Variants in FXR1 observed in about 807,000 individuals in gnomAD.
The protein encoded by FXR1 is FMR1 autosomal homolog 1, also known as RNA-binding protein FXR1.
In FXR1, 15 loss-of-function variants were observed where a neutral mutation model predicts 84.0. The observed-to-expected ratio is 0.18, with a 90% CI of 0.12 to 0.27. The LOEUF (loss-of-function observed/expected upper bound fraction) is 0.27, where lower values mean the gene tolerates loss of function less well. FXR1 is among the 10% of genes least tolerant of loss of function. FXR1 has a pLI of 1.00. For missense variants in FXR1, 480 were observed against 774.4 expected (o/e 0.62, Z 4.51); for synonymous variants, 245 against 250.7 (o/e 0.98, Z 0.21).
intron 8 of FXR1, among the ~76,000 whole-genome samples, chr3:180,951,939 C>CA (rs1203196533): frequency 3.9e-5 from 6 of 152,256 alleles, no homozygotes; most frequent in Admixed American, 1.3e-4. Flanking sequence ...CAGTGGCACA[C>CA]ACCTGCAGTC....
intron 2 of FXR1, among the ~76,000 whole-genome samples, chr3:180,933,757 AG>A (rs1316756665): frequency 1.3e-5 from 2 of 152,142 alleles, no homozygotes; most frequent in Admixed American, 6.5e-5. Context: ...TAATTGCCTG[AG>A]GGGTATGCAG....
At chr3:180,949,558 G>T (rs1722011426) in intron 7 of FXR1, among the ~76,000 whole-genome samples, 1 of 152,126 alleles carries the variant, frequency 6.6e-6, no homozygotes, top group Non-Finnish European at 1.5e-5. Context: ...GCTAATTTTT[G>T]TATTTTAGTA....
At chr3:180,932,824 A>T (rs1488555693) in intron 1 of FXR1, among the ~76,000 whole-genome samples, 2 of 152,354 alleles carry the variant, frequency 1.3e-5, no homozygotes, top group African/African-American at 4.8e-5. Context: ...TTATAACAAA[A>T]TTGGGTTCTT....
chr3:180,928,915 A>G (rs1719554453), intron 1 of FXR1, among the ~76,000 whole-genome samples: 1 of 150,076 alleles, frequency 6.7e-6, no homozygotes, highest in Non-Finnish European at 1.5e-5. Flanking sequence ...CACTTAATTT[A>G]TGGCATTTTT....
intron 3 of FXR1, among the ~76,000 whole-genome samples, chr3:180,939,414 G>C (rs570475725): frequency 6.6e-6 from 1 of 152,182 alleles, no homozygotes; most frequent in African/African-American, 2.4e-5. Flanking sequence ...ATCATACTTA[G>C]AGATGGTCAG....
At position 180,962,876 on chromosome 3, in the gene FXR1, AT is replaced by A. The variant is rs1712306351; in HGVS notation, c.1078-5del. 1 of 1,586,472 alleles carries A rather than the reference AT, an allele frequency of 6.3e-7. No homozygotes were observed. Among genetic ancestry groups the A allele is most frequent in the Admixed American group, 1.7e-5 (1 of 58,124 alleles). ...AGAAGACTTACTCTTTTTTGTTTTG[AT>A]TGTAGGAAGTAGAACAGCTAAGAAT... is the stretch of plus-strand genomic sequence containing the variant. On this transcript the variant is annotated splice_region_variant and splice_polypyrimidine_tract_variant and intron_variant, in intron 11 of 16. Transcript: ENST00000357559.
chr3:180,920,548 G>T (rs796954414), intron 1 of FXR1, among the ~76,000 whole-genome samples: 4 of 136,606 alleles, frequency 2.9e-5, no homozygotes, highest in Non-Finnish European at 1.5e-5. Flanking sequence ...GTCTAGCTCT[G>T]TTGCCCAGGT....
intron 1 of FXR1, 33 bp downstream of exon 1, chr3:180,912,769 C>T (rs373910535): frequency 6.2e-6 from 10 of 1,613,900 alleles, no homozygotes; most frequent in African/African-American, 5.3e-5. Flanking sequence ...GTCGAGTGTT[C>T]TGGGTGCTGG....
rs138502074 is a variant in FXR1, at chr3:180,944,048, C to A, written c.199-3817C>A. Among the ~76,000 whole-genome samples the A allele has an allele frequency of 1.1e-3, 169 of 152,158 alleles. 2 individuals carry two copies. In the East Asian group the frequency reaches 0.027, roughly 25 times the overall value. ...TCTCCTACCTCAGCCTCCCGAGTAG[C>A]TGGGATTACAGGCATGCACCACCAC... On this transcript the variant is annotated intron_variant, in intron 3 of 16. Transcript: ENST00000357559.
intron 1 of FXR1, among the ~76,000 whole-genome samples, chr3:180,925,959 G>A (rs1047898483): frequency 6.6e-6 from 1 of 152,148 alleles, no homozygotes; most frequent in African/African-American, 2.4e-5. Flanking sequence ...AACCTAGTCA[G>A]AGGAAAGACC....
chr3:180,912,916 G>T (rs1381090611), intron 1 of FXR1, among the ~76,000 whole-genome samples, 180 bp downstream of exon 1: 1 of 152,142 alleles, frequency 6.6e-6, no homozygotes, highest in Admixed American at 6.6e-5. Context: ...GGGGGCCGGG[G>T]CTCCGTTATG....
intron 3 of FXR1, among the ~76,000 whole-genome samples, chr3:180,943,418 C>T (rs1721351543): frequency 6.6e-6 from 1 of 151,506 alleles, no homozygotes; most frequent in African/African-American, 2.4e-5. Flanking sequence ...GCCCGCCCAC[C>T]ACCATGCCCA....
chr3:180,948,242 TG>T, intron 4 of FXR1, 104 bp from the exon 5 acceptor site: 1 of 758,664 alleles, frequency 1.3e-6, no homozygotes, highest in Non-Finnish European at 2.2e-6. Context: ...TTATGCCACA[TG>T]GGGGAGGGTC....
At chr3:180,944,209 G>A (rs111784960) in intron 3 of FXR1, among the ~76,000 whole-genome samples, 34 of 151,572 alleles carry the variant, frequency 2.2e-4, no homozygotes, top group African/African-American at 7.7e-4. Flanking sequence ...CACCGCGCCC[G>A]GCCTAGAATA....
chr3:180,950,990 A>G (rs9873302), intron 7 of FXR1, among the ~76,000 whole-genome samples: 8,865 of 151,990 alleles, frequency 0.058, 718 homozygotes, highest in African/African-American at 0.18. Flanking sequence ...AAGTGGGAGG[A>G]TTGCTTTAGC....
chr3:180,951,524 T>C, intron 8 of FXR1, 56 bp downstream of exon 8: 1 of 1,217,278 alleles, frequency 8.2e-7, no homozygotes, highest in South Asian at 1.4e-5. Flanking sequence ...TATTGTTTGA[T>C]TATATTTTTA....
intron 1 of FXR1, among the ~76,000 whole-genome samples, chr3:180,930,623 C>G (rs896240601): frequency 6.6e-6 from 1 of 152,152 alleles, no homozygotes; most frequent in Non-Finnish European, 1.5e-5. Flanking sequence ...AGATGCTTTA[C>G]TAATATTCAT....
chr3:180,947,312 G>C (rs1026261881), intron 3 of FXR1, among the ~76,000 whole-genome samples: 7 of 152,318 alleles, frequency 4.6e-5, no homozygotes, highest in Admixed American at 1.3e-4. Flanking sequence ...CTCCCAAAGT[G>C]CTGGGATTAC....
intron 1 of FXR1, among the ~76,000 whole-genome samples, chr3:180,913,277 G>T (rs1039026021): frequency 3.0e-4 from 45 of 152,208 alleles, no homozygotes; most frequent in African/African-American, 1.0e-3. Flanking sequence ...AGGAGAATGG[G>T]GGTACCGGAT....
Sources: gnomAD v4.1 joint callset for allele counts (sites outside exome capture counted in the v4.1 genomes callset) on GRCh38, gnomAD v4.1.1 for gene constraint, MANE v1.5 for transcripts, NCBI Gene and HGNC (gene_info 2026-07-23, HGNC 2026-07-21) for gene names.